The following SCAPER variants were observed in gnomAD, a reference collection of about 807,000 sequenced individuals.
The protein encoded by SCAPER is S-phase cyclin A associated protein in the ER, also known as S phase cyclin A-associated protein in the endoplasmic reticulum.
In SCAPER, 98 loss-of-function variants were observed where a neutral mutation model predicts 182.2. The observed-to-expected ratio is 0.54, with a 90% CI of 0.46 to 0.64. The LOEUF (loss-of-function observed/expected upper bound fraction) is 0.64, where lower values mean the gene tolerates loss of function less well. SCAPER is among the 30% of genes least tolerant of loss of function. SCAPER has a pLI of 0.00. For synonymous variants in SCAPER, 605 were observed against 564.6 expected (o/e 1.07, Z -1.01); for missense variants, 1,432 against 1,690.0 (o/e 0.85, Z 2.68).
At chr15:76,417,313 A>C (rs2045721937) in intron 26 of SCAPER, among the ~76,000 whole-genome samples, 3 of 152,212 alleles carry the variant, frequency 2.0e-5, no homozygotes, top group Admixed American at 6.5e-5. Flanking sequence ...AGAAAAAAGA[A>C]CTTATTTTAA....
chr15:76,401,458 T>C (rs779335242), intron 27 of SCAPER, among the ~76,000 whole-genome samples: 8 of 152,210 alleles, frequency 5.3e-5, no homozygotes, highest in Non-Finnish European at 8.8e-5. Flanking sequence ...TCTTTACTAA[T>C]CCTTCTGCCT....
At chr15:76,510,946 T>C (rs1482991165) in intron 23 of SCAPER, among the ~76,000 whole-genome samples, 1 of 152,124 alleles carries the variant, frequency 6.6e-6, no homozygotes, top group African/African-American at 2.4e-5. Flanking sequence ...TTAATGCCAT[T>C]TGCAGCAGCC....
chr15:76,716,356 C>T (rs1254936004), intron 17 of SCAPER, among the ~76,000 whole-genome samples: 1 of 152,030 alleles, frequency 6.6e-6, no homozygotes, highest in African/African-American at 2.4e-5. Flanking sequence ...GATATGACTG[C>T]ACTATCAGAT....
intron 21 of SCAPER, among the ~76,000 whole-genome samples, chr15:76,637,224 T>C (rs188194712): frequency 5.5e-4 from 84 of 152,150 alleles, no homozygotes; most frequent in African/African-American, 2.0e-3. Flanking sequence ...CTCTATAAAA[T>C]TTTTGTTTGA....
intron 21 of SCAPER, among the ~76,000 whole-genome samples, chr15:76,627,213 ATCT>A (rs370882707): frequency 3.2e-4 from 45 of 139,040 alleles, no homozygotes; most frequent in African/African-American, 8.1e-4. Flanking sequence ...TTGCTAACAA[ATCT>A]TCTTGTTTTA....
chr15:76,651,793 G>C (rs2055068277), intron 21 of SCAPER, among the ~76,000 whole-genome samples: 1 of 143,698 alleles, frequency 7.0e-6, no homozygotes, highest in Non-Finnish European at 1.5e-5. Context: ...ACTGACACCA[G>C]AATTTGGCAG....
chr15:76,855,878 TA>T, intron 4 of SCAPER: 1 of 436,470 alleles, frequency 2.3e-6, no homozygotes, highest in Non-Finnish European at 4.7e-6. Flanking sequence ...CTCAAAGAGC[TA>T]AAAACAGAAA....
rs1160920952 is a variant in SCAPER, at chr15:76,872,638, G to A, written c.7-10105C>T. Among the ~76,000 whole-genome samples, 8 of 151,186 alleles carry A rather than the reference G, an allele frequency of 5.3e-5. No homozygotes were observed. In the South Asian group the frequency reaches 1.0e-3, roughly 20 times the overall value. On this transcript the variant is annotated intron_variant, in intron 2 of 31. Transcript: ENST00000563290. Reference sequence around the variant, plus strand: ...ATAGTATAATAATCTAGGTTTGCACGCAAACCTACCTTCTACTATTATACT... The same window carrying A: ...ATAGTATAATAATCTAGGTTTGCACACAAACCTACCTTCTACTATTATACT...
chr15:76,544,429 T>C (rs2045060302), intron 23 of SCAPER, among the ~76,000 whole-genome samples: 1 of 152,162 alleles, frequency 6.6e-6, no homozygotes, highest in African/African-American at 2.4e-5. Flanking sequence ...CAAAATGAAA[T>C]GTCCTATACA....
chr15:76,699,192 G>A (rs766047343), intron 20 of SCAPER, among the ~76,000 whole-genome samples: 28 of 152,114 alleles, frequency 1.8e-4, no homozygotes, highest in Non-Finnish European at 2.9e-4. Flanking sequence ...TCCAGGTATA[G>A]AATTATATAA....
intron 2 of SCAPER, among the ~76,000 whole-genome samples, chr15:76,877,729 G>C (rs1001630143): frequency 1.6e-4 from 24 of 152,072 alleles, no homozygotes; most frequent in African/African-American, 5.8e-4. Context: ...TTCAAAAATG[G>C]CAAAGTCAAG....
intron 29 of SCAPER, among the ~76,000 whole-genome samples, chr15:76,374,144 C>T (rs1444982510): frequency 1.3e-5 from 2 of 152,006 alleles, no homozygotes; most frequent in African/African-American, 4.8e-5. Context: ...AATCCCAGTA[C>T]TTTGGGAGGC....
chr15:76,510,763 T>C (rs901374471), intron 23 of SCAPER, among the ~76,000 whole-genome samples: 3 of 152,234 alleles, frequency 2.0e-5, no homozygotes, highest in African/African-American at 7.2e-5. Context: ...AAAAAGATAC[T>C]TGCTCACGCA....
At chr15:76,761,212 G>A (rs1399761186) in intron 14 of SCAPER, among the ~76,000 whole-genome samples, 3 of 151,726 alleles carry the variant, frequency 2.0e-5, no homozygotes, top group East Asian at 1.9e-4. Flanking sequence ...CTCTACTTTC[G>A]TTTCTAATTT....
At chr15:76,392,302 C>A (rs2043751161) in intron 27 of SCAPER, among the ~76,000 whole-genome samples, 1 of 152,048 alleles carries the variant, frequency 6.6e-6, no homozygotes, top group Admixed American at 6.6e-5. Context: ...ATAATGAATA[C>A]AAGAATATGT....
chr15:76,585,078 GA>G (rs1394080317), intron 22 of SCAPER, among the ~76,000 whole-genome samples: 1 of 152,126 alleles, frequency 6.6e-6, no homozygotes, highest in Non-Finnish European at 1.5e-5. Flanking sequence ...ACCTATACTT[GA>G]ATTCTGGCTC....
chr15:76,548,007 T>C (rs960657008), intron 23 of SCAPER, among the ~76,000 whole-genome samples: 1 of 152,180 alleles, frequency 6.6e-6, no homozygotes, highest in East Asian at 1.9e-4. Context: ...CTTTATTGTA[T>C]TGAGTTTATC....
intron 26 of SCAPER, among the ~76,000 whole-genome samples, chr15:76,412,227 A>C (rs1030592952): frequency 6.6e-6 from 1 of 152,150 alleles, no homozygotes; most frequent in African/African-American, 2.4e-5. Context: ...GGAAGGAGGA[A>C]TGATAGATGG....
At chr15:76,391,117 A>G (rs555484599) in intron 27 of SCAPER, among the ~76,000 whole-genome samples, 1 of 152,124 alleles carries the variant, frequency 6.6e-6, no homozygotes, top group African/African-American at 2.4e-5. Flanking sequence ...GGCTCTTCAC[A>G]TTCCAATATA....
Sources: gnomAD v4.1 joint callset for allele counts (sites outside exome capture counted in the v4.1 genomes callset) on GRCh38, gnomAD v4.1.1 for gene constraint, MANE v1.5 for transcripts, NCBI Gene and HGNC (gene_info 2026-07-23, HGNC 2026-07-21) for gene names.